KCNK13: variants seen among roughly 807,000 people sequenced by gnomAD.
KCNK13 encodes the protein potassium channel subfamily K member 13.
In KCNK13, 12 loss-of-function variants were observed where a neutral mutation model predicts 23.4. The observed-to-expected ratio is 0.51, with a 90% CI of 0.33 to 0.83. The LOEUF is 0.83. Among genes scored for constraint, KCNK13 ranks in the 40% least tolerant of loss-of-function variants. The probability of loss-of-function intolerance (pLI) is 0.02; values close to 1 mark genes in which losing one functional copy is unlikely to be tolerated. For synonymous variants in KCNK13, 231 were observed against 229.5 expected (o/e 1.01, Z -0.06); for missense variants, 463 against 556.3 (o/e 0.83, Z 1.69).
Position 90,083,614 on chromosome 14 carries a change from G to A in KCNK13, c.334+21075G>A, listed in dbSNP as rs138044538. 3.2e-3 allele frequency among the ~76,000 whole-genome samples: 480 copies of A among 152,302 alleles called. 4 individuals are homozygous for A. Among genetic ancestry groups the A allele is most frequent in the African/African-American group, 0.011 (459 of 41,574 alleles). ...ATGGGATTAATTGTGTTATAAAAGGGCATGTTTGGCCTCCTTCTCTCTCTC... is the reference window on the plus strand; with the variant it reads ...ATGGGATTAATTGTGTTATAAAAGGACATGTTTGGCCTCCTTCTCTCTCTC... On this transcript the variant is annotated intron_variant, in intron 1 of 1. Transcript: ENST00000282146.
At chr14:90,072,509 T>A (rs8006823) in intron 1 of KCNK13, among the ~76,000 whole-genome samples, 1 of 152,200 alleles carries the variant, frequency 6.6e-6, no homozygotes, top group Non-Finnish European at 1.5e-5. Context: ...TTGATGATCA[T>A]GAGCTCTGGG....
intron 1 of KCNK13, among the ~76,000 whole-genome samples, chr14:90,130,520 A>G (rs1477238276): frequency 6.6e-6 from 1 of 150,774 alleles, no homozygotes; most frequent in Non-Finnish European, 1.5e-5. Flanking sequence ...ATTTAAATAA[A>G]TAGGAGTGTT....
chr14:90,173,974 G>A (rs146340862), intron 1 of KCNK13, among the ~76,000 whole-genome samples: 1 of 152,258 alleles, frequency 6.6e-6, no homozygotes, highest in East Asian at 1.9e-4. Context: ...ATGGCAGCAG[G>A]CAAGAGAAAG....
At chr14:90,143,607 G>T (rs57641062) in intron 1 of KCNK13, among the ~76,000 whole-genome samples, 9,873 of 152,140 alleles carry the variant, frequency 0.065, 415 homozygotes, top group South Asian at 0.21. Flanking sequence ...TAAGTCTTGT[G>T]AAAAGAAAAA....
At chr14:90,102,574 C>A (rs138340341) in intron 1 of KCNK13, among the ~76,000 whole-genome samples, 1 of 152,136 alleles carries the variant, frequency 6.6e-6, no homozygotes, top group Non-Finnish European at 1.5e-5. Flanking sequence ...GTCAATGACA[C>A]GGAGAGTAGA....
At chr14:90,157,724 CAG>C (rs34826190) in intron 1 of KCNK13, among the ~76,000 whole-genome samples, 32,774 of 70,298 alleles carry the variant, frequency 0.47, 5,351 homozygotes, top group Non-Finnish European at 0.55. Flanking sequence ...TTTTTTCAGA[CAG>C]AGTCTTGCTC....
At chr14:90,070,803 G>A (rs1458382606) in intron 1 of KCNK13, among the ~76,000 whole-genome samples, 1 of 152,180 alleles carries the variant, frequency 6.6e-6, no homozygotes, top group African/African-American at 2.4e-5. Flanking sequence ...TAGCTGAGGA[G>A]CAATGTGTGG....
intron 1 of KCNK13, among the ~76,000 whole-genome samples, chr14:90,118,457 T>C (rs1385203508): frequency 6.6e-6 from 1 of 152,222 alleles, no homozygotes; most frequent in African/African-American, 2.4e-5. Context: ...TTCACTTAGC[T>C]TAATGTTTTC....
At chr14:90,091,299 C>T (rs55911713) in intron 1 of KCNK13, among the ~76,000 whole-genome samples, 23,040 of 152,012 alleles carry the variant, frequency 0.15, 2,163 homozygotes, top group East Asian at 0.25. Context: ...AATCAGTAGG[C>T]GCAAGAGCTT....
chr14:90,099,427 C>G (rs535672087), intron 1 of KCNK13, among the ~76,000 whole-genome samples: 1 of 152,216 alleles, frequency 6.6e-6, no homozygotes, highest in South Asian at 2.1e-4. Context: ...TGTTAATGAC[C>G]TCTTTTTCCT....
At chr14:90,167,536 C>T (rs898206915) in intron 1 of KCNK13, among the ~76,000 whole-genome samples, 3 of 152,122 alleles carry the variant, frequency 2.0e-5, no homozygotes, top group African/African-American at 7.2e-5. Flanking sequence ...CCCAGACATG[C>T]TGATTTGTAG....
chr14:90,109,652 C>T lies in KCNK13; in HGVS notation c.334+47113C>T, dbSNP rs187467679. Among the ~76,000 whole-genome samples, 314 of 151,670 alleles carry T rather than the reference C, an allele frequency of 2.1e-3. 2 individuals are homozygous for T. Among genetic ancestry groups the T allele is most frequent in the African/African-American group, 7.2e-3 (299 of 41,354 alleles). ...GTCTCGATCTCCTGACCTCGTGATC[C>T]GCCCACCTCAGCCTCCCAAAGTGCT... On this transcript the variant is annotated intron_variant, in intron 1 of 1. Transcript: ENST00000282146.
At chr14:90,158,160 G>A (rs931355774) in intron 1 of KCNK13, among the ~76,000 whole-genome samples, 1 of 152,218 alleles carries the variant, frequency 6.6e-6, no homozygotes, top group African/African-American at 2.4e-5. Context: ...GAGCAGACCT[G>A]TCAATGGCCC....
At chr14:90,134,324 A>G (rs1390807339) in intron 1 of KCNK13, among the ~76,000 whole-genome samples, 1 of 152,212 alleles carries the variant, frequency 6.6e-6, no homozygotes, top group African/African-American at 2.4e-5. Context: ...GTTCATGTCC[A>G]AGTGGTAGAA....
intron 1 of KCNK13, among the ~76,000 whole-genome samples, chr14:90,122,256 T>G (rs1045819692): frequency 9.2e-5 from 14 of 152,156 alleles, no homozygotes; most frequent in Middle Eastern, 3.4e-3. Flanking sequence ...TCCTCAGAAG[T>G]GAGTAACAGA....
chr14:90,064,617 C>T (rs1888986679), intron 1 of KCNK13, among the ~76,000 whole-genome samples: 1 of 152,182 alleles, frequency 6.6e-6, no homozygotes, highest in South Asian at 2.1e-4. Flanking sequence ...ACCTTGGTAT[C>T]TGGCACATCA....
At chr14:90,097,777 C>CT (rs1889429233) in intron 1 of KCNK13, among the ~76,000 whole-genome samples, 1 of 152,050 alleles carries the variant, frequency 6.6e-6, no homozygotes, top group Non-Finnish European at 1.5e-5. Context: ...GTATACAATA[C>CT]TGGAAGAAAA....
At chr14:90,121,061 TTGGA>T (rs33945753) in intron 1 of KCNK13, among the ~76,000 whole-genome samples, 44,563 of 151,738 alleles carry the variant, frequency 0.29, 6,687 homozygotes, top group Admixed American at 0.37. Flanking sequence ...GGAGGATGAT[TTGGA>T]GTCCATTGTC....
intron 1 of KCNK13, among the ~76,000 whole-genome samples, chr14:90,073,023 C>T (rs914764463): frequency 3.3e-5 from 5 of 152,162 alleles, no homozygotes; most frequent in Admixed American, 3.3e-4. Context: ...CTTCTGTGCT[C>T]CGTCTGAAGC....
Sources: gnomAD v4.1 joint callset for allele counts (sites outside exome capture counted in the v4.1 genomes callset) on GRCh38, gnomAD v4.1.1 for gene constraint, MANE v1.5 for transcripts, NCBI Gene and HGNC (gene_info 2026-07-23, HGNC 2026-07-21) for gene names.